MYO5C: variants seen among roughly 807,000 people sequenced by gnomAD.
MYO5C encodes the protein unconventional myosin-Vc.
In MYO5C, 194 loss-of-function variants were observed where a neutral mutation model predicts 235.7. That is an observed-to-expected ratio of 0.82 (90% CI 0.73 to 0.93). The LOEUF is 0.93. Among genes scored for constraint, MYO5C ranks in the 40% least tolerant of loss-of-function variants. The probability of loss-of-function intolerance (pLI) is 0.00; values close to 1 mark genes in which losing one functional copy is unlikely to be tolerated. For missense variants in MYO5C, 2,038 were observed against 2,127.2 expected, an observed-to-expected ratio of 0.96 and a Z score of 0.82; for synonymous variants, 707 against 754.8, an observed-to-expected ratio of 0.94 and a Z score of 1.04.
chr15:52,216,214 A>AG (rs2035547562), intron 32 of MYO5C, among the ~76,000 whole-genome samples: 6 of 152,180 alleles, frequency 3.9e-5, no homozygotes, highest in East Asian at 1.9e-4. Flanking sequence ...TATTATTATT[A>AG]TTAGTAGTAG....
intron 12 of MYO5C, 34 bp from the exon 13 acceptor site, chr15:52,251,549 G>C: frequency 6.4e-7 from 1 of 1,566,234 alleles, no homozygotes; most frequent in Non-Finnish European, 8.7e-7. Flanking sequence ...TAGCAAGTAA[G>C]AAAACCAGAG....
intron 19 of MYO5C, chr15:52,243,269 C>A (rs1039687838): frequency 6.6e-6 from 1 of 152,494 alleles, no homozygotes; most frequent in African/African-American, 2.4e-5. Flanking sequence ...AGGTGGAGCA[C>A]GGTGCCATCA....
At chr15:52,254,566 A>G (rs1279601254) in intron 11 of MYO5C, among the ~76,000 whole-genome samples, 4 of 152,076 alleles carry the variant, frequency 2.6e-5, no homozygotes, top group Admixed American at 6.5e-5. Context: ...GTCCTACCCA[A>G]AGCTTTCTGT....
At chr15:52,243,909 A>G (rs1442267603) in intron 19 of MYO5C, among the ~76,000 whole-genome samples, 1 of 152,170 alleles carries the variant, frequency 6.6e-6, no homozygotes, top group African/African-American at 2.4e-5. Context: ...GTTTGCTGCC[A>G]GGCCTTGCAG....
Position 52,279,654 on chromosome 15 carries a change from A to C in MYO5C, c.159T>G (p.Asn53Lys). The C allele has an allele frequency of 6.2e-7, 1 of 1,613,188 alleles. No individual in the cohort carries two copies. Among genetic ancestry groups the C allele is most frequent in the Non-Finnish European group, 8.5e-7 (1 of 1,179,142 alleles). ...EDGTELDYSV[N>K]PESLPPLRNP... ...TCCGAAGTGGAGGCAGAGATTCTGG[A>C]TTGACAGAATAATCCAGCTCCTATG... The change falls in exon 3 of 41, where the codon AAT becomes AAG. Residue 53 changes from asparagine to lysine, a missense_variant. Physicochemically the swap from Asn to Lys is moderately conservative, Grantham distance 94. Transcript: ENST00000261839.
At chr15:52,279,442 A>G in intron 3 of MYO5C, 67 bp downstream of exon 3, 1 of 1,524,592 alleles carries the variant, frequency 6.6e-7, no homozygotes, top group Non-Finnish European at 8.9e-7. Context: ...TAAAACAACC[A>G]GGAGGCTCTA....
intron 38 of MYO5C, among the ~76,000 whole-genome samples, chr15:52,201,651 C>A (rs1247543158): frequency 6.6e-6 from 1 of 152,126 alleles, no homozygotes; most frequent in Non-Finnish European, 1.5e-5. Flanking sequence ...ATAGACTATT[C>A]TTCTCTTATT....
At chr15:52,294,205 T>C (rs2037450983) in intron 1 of MYO5C, among the ~76,000 whole-genome samples, 1 of 152,284 alleles carries the variant, frequency 6.6e-6, no homozygotes, top group Admixed American at 6.5e-5. Flanking sequence ...CTGGAAATAC[T>C]GTCACCTCAA....
intron 30 of MYO5C, 115 bp downstream of exon 30, chr15:52,221,047 C>T: frequency 1.4e-6 from 1 of 738,680 alleles, no homozygotes; most frequent in Non-Finnish European, 2.2e-6. Context: ...TTGTTACCTG[C>T]CCAGCCCCCT....
chr15:52,280,989 CCT>C (rs1452242339), intron 2 of MYO5C, among the ~76,000 whole-genome samples: 2 of 152,334 alleles, frequency 1.3e-5, no homozygotes, highest in African/African-American at 2.4e-5. Flanking sequence ...CTCCTGCTCC[CCT>C]GTTACCAATG....
intron 5 of MYO5C, 140 bp from the exon 6 acceptor site, chr15:52,272,863 C>T (rs1189293645): frequency 4.1e-6 from 3 of 734,290 alleles, no homozygotes; most frequent in East Asian, 5.4e-5. Context: ...GGAAAGAAAG[C>T]AACCCCACGC....
chr15:52,213,211 T>C lies in MYO5C; in HGVS notation c.4118A>G (p.Lys1373Arg). 6.2e-7 allele frequency: 1 copy of C among 1,614,112 alleles called. No individual in the cohort carries two copies. ...ACCAAGAATGAGGTTCTGAATGAGC[T>C]TGGCCTCGTCTTCTCTCTTGTATTG... Reference protein sequence around the residue: ...MLQYKREDEAKLIQNLILDLK... With the variant: ...MLQYKREDEARLIQNLILDLK... The change falls in exon 34 of 41, where the codon AAG (lysine) becomes AGG (arginine). Residue 1373 changes from lysine to arginine, a missense_variant. Transcript: ENST00000261839.
intron 4 of MYO5C, chr15:52,277,886 C>G (rs989796368): frequency 6.6e-6 from 3 of 455,840 alleles, no homozygotes; most frequent in African/African-American, 4.0e-5. Context: ...AGCATCAGAA[C>G]CAGGAATGGG....
At chr15:52,239,041 T>G (rs2141315711) in intron 21 of MYO5C, among the ~76,000 whole-genome samples, 1 of 151,986 alleles carries the variant, frequency 6.6e-6, no homozygotes, top group South Asian at 2.1e-4. Context: ...AACCTCTGCC[T>G]CCCAGGTTCA....
intron 24 of MYO5C, among the ~76,000 whole-genome samples, chr15:52,231,450 C>G (rs1184199389): frequency 2.0e-5 from 3 of 152,212 alleles, no homozygotes; most frequent in Admixed American, 6.5e-5. Flanking sequence ...CAAGTGGTCC[C>G]TGCACGTGGA....
intron 28 of MYO5C, 151 bp downstream of exon 28, chr15:52,224,750 T>C (rs2035779956): frequency 1.5e-6 from 1 of 663,832 alleles, no homozygotes; most frequent in Non-Finnish European, 2.5e-6. Flanking sequence ...AGCTACTTAC[T>C]TACTTCTCAG....
At chr15:52,290,140 G>A (rs532107898) in intron 1 of MYO5C, among the ~76,000 whole-genome samples, 1 of 152,036 alleles carries the variant, frequency 6.6e-6, no homozygotes, top group African/African-American at 2.4e-5. Flanking sequence ...ACTGGCATTT[G>A]AACTTTAAGA....
chr15:52,253,679 A>G (rs1027591916), intron 11 of MYO5C, among the ~76,000 whole-genome samples: 1 of 152,008 alleles, frequency 6.6e-6, no homozygotes, highest in African/African-American at 2.4e-5. Context: ...GTGGGTCTCT[A>G]CCTCCTAGGA....
At chr15:52,255,209 C>T (rs1414244051) in intron 11 of MYO5C, among the ~76,000 whole-genome samples, 2 of 152,168 alleles carry the variant, frequency 1.3e-5, no homozygotes, top group African/African-American at 2.4e-5. Context: ...GCTCAGAGAA[C>T]CCAAGGTCCC....
Sources: gnomAD v4.1 joint callset for allele counts (sites outside exome capture counted in the v4.1 genomes callset) on GRCh38, gnomAD v4.1.1 for gene constraint, MANE v1.5 for transcripts, NCBI Gene and HGNC (gene_info 2026-07-23, HGNC 2026-07-21) for gene names.